ZFPM1: variants seen among roughly 807,000 people sequenced by gnomAD.
ZFPM1 encodes zinc finger protein ZFPM1.
A neutral mutation model predicts 46.3 loss-of-function variants in ZFPM1; 28 were observed. The ratio of observed to expected loss-of-function variants is 0.60; its 90% CI spans 0.45 to 0.83. ZFPM1 has a LOEUF of 0.83. Among genes scored for constraint, ZFPM1 ranks in the 40% least tolerant of loss-of-function variants. ZFPM1 has a pLI of 0.00. For synonymous variants in ZFPM1, 957 were observed against 675.9 expected (o/e 1.42, Z -6.45); for missense variants, 1,878 against 1,432.4 (o/e 1.31, Z -5.02).
chr16:88,462,520 G>C (rs1371771946), intron 1 of ZFPM1, among the ~76,000 whole-genome samples: 8 of 152,314 alleles, frequency 5.3e-5, no homozygotes, highest in African/African-American at 1.9e-4. Flanking sequence ...AGGGCAGGGT[G>C]ACCCTGCTGT....
chr16:88,456,867 G>A (rs186582253), intron 1 of ZFPM1, among the ~76,000 whole-genome samples: 45 of 152,282 alleles, frequency 3.0e-4, no homozygotes, highest in African/African-American at 9.4e-4. Flanking sequence ...CAGTGGAAGG[G>A]CCCATGGATC....
At chr16:88,509,464 CTG>C (rs1491108108) in intron 3 of ZFPM1, among the ~76,000 whole-genome samples, 52 of 152,366 alleles carry the variant, frequency 3.4e-4, no homozygotes, top group South Asian at 6.2e-4. Flanking sequence ...CACAGGGAGG[CTG>C]GCCCCTGGAA....
chr16:88,490,386 C>A lies in ZFPM1; in HGVS notation c.268+1233C>A, dbSNP rs58354852. 3.8e-3 allele frequency among the ~76,000 whole-genome samples: 573 copies of A among 152,354 alleles called. 5 individuals carry two copies. Among genetic ancestry groups the A allele is most frequent in the African/African-American group, 0.013 (558 of 41,572 alleles). ...TATTGAGTGCCTGCTGTGTGCCAGG[C>A]ATATAGCCGGGAGCAGATGGCCGAT... On this transcript the variant is annotated intron_variant, in intron 3 of 9. Coordinates refer to ENST00000319555, the MANE Select transcript of ZFPM1 (RefSeq NM_153813.3).
chr16:88,499,322 C>G (rs1176123146), intron 3 of ZFPM1, among the ~76,000 whole-genome samples: 1 of 152,262 alleles, frequency 6.6e-6, no homozygotes, highest in Admixed American at 6.5e-5. Flanking sequence ...AAGCTATGTG[C>G]CAGCCCTGTG....
chr16:88,526,468 C>T (rs953299864), intron 4 of ZFPM1, among the ~76,000 whole-genome samples: 6 of 152,198 alleles, frequency 3.9e-5, no homozygotes, highest in East Asian at 3.9e-4. Flanking sequence ...TACGCAGACC[C>T]GGGTGTGAGT....
chr16:88,467,958 C>A (rs1485431109), intron 1 of ZFPM1, among the ~76,000 whole-genome samples: 1 of 151,974 alleles, frequency 6.6e-6, no homozygotes, highest in Non-Finnish European at 1.5e-5. Flanking sequence ...CACCCTAATG[C>A]CAGGAACAAA....
chr16:88,493,039 ATGGAGAGCTATCCCGGGGTG>A (rs1909674184), intron 3 of ZFPM1, among the ~76,000 whole-genome samples: 4 of 54,142 alleles, frequency 7.4e-5, no homozygotes, highest in African/African-American at 3.0e-4. Context: ...GTCCCGGGGT[ATGGAGAGCTATCCCGGGGTG>A]CGGAGAGCTG....
chr16:88,517,464 ATGGATGGCTGGG>A (rs1911407004), intron 4 of ZFPM1, among the ~76,000 whole-genome samples: 3 of 125,410 alleles, frequency 2.4e-5, no homozygotes, highest in Admixed American at 8.0e-5. Flanking sequence ...AGGTAAATGG[ATGGATGGCTGGG>A]TGGATGGATG....
At chr16:88,482,263 G>A (rs749733685) in intron 1 of ZFPM1, among the ~76,000 whole-genome samples, 3 of 151,952 alleles carry the variant, frequency 2.0e-5, no homozygotes, top group African/African-American at 7.3e-5. Flanking sequence ...GAGTCCCCAC[G>A]GACCCCAGGT....
chr16:88,536,135 TTGTAGAAATGG>T lies in ZFPM1; in HGVS notation c.*1160_*1170del, dbSNP rs1913237100. On this transcript the variant is annotated 3_prime_UTR_variant, in exon 10 of 10. Transcript: ENST00000319555. ...CATGCCCAGCTAGTTTTTGTGTTTT[TTGTAGAAATGG>T]TGTCTCCCTATGTTGCCCAGGCTGG... 1 of 152,156 alleles carries T rather than the reference TTGTAGAAATGG, an allele frequency of 6.6e-6. No individual in the cohort carries two copies. Among genetic ancestry groups the T allele is most frequent in the Non-Finnish European group, 1.5e-5 (1 of 68,032 alleles). The allele number at this position is 152,156 out of a possible 1,614,324, so 9.4% of individuals were successfully genotyped here. A position where few individuals can be genotyped will look rare whatever the true frequency, so the allele number is the denominator to read the frequency against.
chr16:88,528,984 G>A (rs748208748), intron 6 of ZFPM1, among the ~76,000 whole-genome samples: 5 of 152,292 alleles, frequency 3.3e-5, no homozygotes, highest in South Asian at 2.1e-4. Context: ...CGGGAATCAT[G>A]AGTCACTCAC....
At chr16:88,455,868 G>T (rs1015879572) in intron 1 of ZFPM1, among the ~76,000 whole-genome samples, 44 of 152,300 alleles carry the variant, frequency 2.9e-4, no homozygotes, top group African/African-American at 9.4e-4. Flanking sequence ...GCGCGGGGCC[G>T]GGGCAGCTCG....
chr16:88,452,520 G>T (rs1166621183), upstream of ZFPM1, among the ~76,000 whole-genome samples: 1 of 152,242 alleles, frequency 6.6e-6, no homozygotes, highest in Non-Finnish European at 1.5e-5. Flanking sequence ...GCTCACAGGG[G>T]AAGACCCGAG....
rs376975522 is a variant in ZFPM1, at chr16:88,479,944, G to A, written c.41-5995G>A. ...CCGCCGAAGGAGGAAGATGGGGCAC[G>A]TCCCTGCAGAGTAGAAACAGTGACA... On this transcript the variant is annotated intron_variant, in intron 1 of 9. Coordinates refer to ENST00000319555, the MANE Select transcript of ZFPM1 (RefSeq NM_153813.3). 4.7e-5 allele frequency among the ~76,000 whole-genome samples: 7 copies of A among 149,722 alleles called. No homozygotes were observed. In the South Asian group the frequency reaches 6.5e-4, roughly 14 times the overall value.
At chr16:88,532,458 G>C (rs756856887) in intron 7 of ZFPM1, among the ~76,000 whole-genome samples, 156 bp from the exon 8 acceptor site, 4 of 151,104 alleles carry the variant, frequency 2.6e-5, no homozygotes, top group Non-Finnish European at 4.4e-5. Context: ...TGTCCCGAGA[G>C]ACAAAAGGCG....
Position 88,476,701 on chromosome 16 carries a change from A to G in ZFPM1, c.41-9238A>G, listed in dbSNP as rs74032889. Among the ~76,000 whole-genome samples, 159 of 152,236 alleles carry G rather than the reference A, an allele frequency of 1.0e-3. 1 individual carries two copies. Among genetic ancestry groups the G allele is most frequent in the African/African-American group, 3.5e-3 (146 of 41,530 alleles). On this transcript the variant is annotated intron_variant, in intron 1 of 9. Transcript: ENST00000319555. ...GCCAAGTGTGGCTGGGGAGGCAGGG[A>G]GACAGTTCTTCACACAGCAAGTGTG...
upstream of ZFPM1, among the ~76,000 whole-genome samples, chr16:88,452,595 C>T (rs192586341): frequency 5.9e-5 from 9 of 152,388 alleles, no homozygotes; most frequent in African/African-American, 1.7e-4. Flanking sequence ...TGGCCCGAAT[C>T]CGCTCCACAC....
intron 4 of ZFPM1, among the ~76,000 whole-genome samples, chr16:88,517,397 T>C (rs945428202): frequency 2.1e-5 from 3 of 145,178 alleles, no homozygotes; most frequent in African/African-American, 7.8e-5. Context: ...GGTGGATGCA[T>C]GGGTAGATGG....
intron 3 of ZFPM1, among the ~76,000 whole-genome samples, chr16:88,498,158 C>T (rs1205957918): frequency 6.6e-6 from 1 of 152,088 alleles, no homozygotes; most frequent in Non-Finnish European, 1.5e-5. Context: ...GCCACCTCCT[C>T]TGGCTGTCCT....
Sources: gnomAD v4.1 joint callset for allele counts (sites outside exome capture counted in the v4.1 genomes callset) on GRCh38, gnomAD v4.1.1 for gene constraint, MANE v1.5 for transcripts, NCBI Gene and HGNC (gene_info 2026-07-23, HGNC 2026-07-21) for gene names.